TCF20: variants seen among roughly 807,000 people sequenced by gnomAD.
TCF20 encodes transcription factor 20.
TCF20 carries 3 observed loss-of-function variants against 148.6 expected under a neutral mutation model. The observed-to-expected ratio is 0.02, with a 90% CI of 0.01 to 0.05. The LOEUF is 0.05. Ranked by LOEUF, TCF20 falls within the 10% of genes least tolerant of loss-of-function variation. The pLI is 1.00. For missense variants in TCF20, 2,350 were observed against 2,429.3 expected, an observed-to-expected ratio of 0.97 and a Z score of 0.69; for synonymous variants, 1,049 against 909.5, an observed-to-expected ratio of 1.15 and a Z score of -2.76.
Position 42,202,633 on chromosome 22 carries a change from G to A in TCF20, c.5655+7018C>T, listed in dbSNP as rs1225961790. ...CATACGTTTTTCCAATAAATTGGAC[G>A]AATCTGATCTGCAGTAGCAAGCCTT... is the stretch of plus-strand genomic sequence containing the variant. On this transcript the variant is annotated intron_variant, in intron 2 of 5. Transcript: ENST00000677622. Among the ~76,000 whole-genome samples the A allele has an allele frequency of 2.6e-5, 4 of 152,220 alleles. No individual in the cohort carries two copies. In the South Asian group the frequency reaches 6.2e-4, roughly 24 times the overall value.
Position 42,212,353 on chromosome 22 carries a change from G to A in TCF20, c.2953C>T (p.Pro985Ser). The A allele has an allele frequency of 6.2e-7, 1 of 1,614,220 alleles. No individual in the cohort carries two copies. Among genetic ancestry groups the A allele is most frequent in the Non-Finnish European group, 8.5e-7 (1 of 1,180,050 alleles). ...CCAGGGACCCGCCGCATTGGCGTGG[G>A]TCTGCTGTCTTGCGGGCCATAGTCT... ...LSDYGPQDSRPTPMRRVPGRV... is the reference protein window; with the variant it reads ...LSDYGPQDSRSTPMRRVPGRV... The change falls in exon 2 of 6, where the codon CCC becomes TCC. Residue 985 changes from proline (P) to serine (S), a missense_variant. Around this residue, in one of 7 missense-constraint regions of TCF20, gnomAD observed 1,641 missense variants for 1,662.6 expected, o/e 0.99. Transcript: ENST00000677622.
intron 2 of TCF20, among the ~76,000 whole-genome samples, chr22:42,199,253 C>T (rs1937814017): frequency 6.6e-6 from 1 of 152,148 alleles, no homozygotes; most frequent in Non-Finnish European, 1.5e-5. Context: ...ATGGTGCCAG[C>T]ACCTCATCTA....
rs75378958 is a variant in TCF20, at chr22:42,229,230, G to C, written c.-36-13889C>G. On this transcript the variant is annotated intron_variant, in intron 1 of 5. Transcript: ENST00000677622. ...AGAGTCATGCAGTATGATCACAGCA[G>C]AGATGTCCATAATTATGGAATGGCA... is the stretch of plus-strand genomic sequence containing the variant. 5.2e-3 allele frequency among the ~76,000 whole-genome samples: 797 copies of C among 152,302 alleles called. 4 individuals are homozygous for C. Among genetic ancestry groups the C allele is most frequent in the African/African-American group, 0.018 (764 of 41,564 alleles).
intron 1 of TCF20, among the ~76,000 whole-genome samples, chr22:42,313,550 T>C (rs1382740791): frequency 1.3e-5 from 2 of 151,850 alleles, no homozygotes; most frequent in African/African-American, 4.8e-5. Flanking sequence ...GGACCCTGGA[T>C]GTCCCCAAGA....
intron 5 of TCF20, among the ~76,000 whole-genome samples, chr22:42,166,200 C>T (rs1340507977): frequency 6.6e-6 from 1 of 151,744 alleles, no homozygotes; most frequent in Non-Finnish European, 1.5e-5. Context: ...CCATCCTCTC[C>T]CTCCAAGAGC....
At chr22:42,215,751 A>G (rs573478205) in intron 1 of TCF20, among the ~76,000 whole-genome samples, 1 of 152,262 alleles carries the variant, frequency 6.6e-6, no homozygotes, top group South Asian at 2.1e-4. Context: ...AATTACAGGC[A>G]TGAGCCACCA....
chr22:42,196,262 A>G (rs1393455835), intron 2 of TCF20, among the ~76,000 whole-genome samples: 1 of 152,226 alleles, frequency 6.6e-6, no homozygotes, highest in Non-Finnish European at 1.5e-5. Context: ...GCTGGGCAGC[A>G]CTTGCTGCCT....
chr22:42,222,950 C>T (rs933396634), intron 1 of TCF20, among the ~76,000 whole-genome samples: 1 of 152,118 alleles, frequency 6.6e-6, no homozygotes, highest in Admixed American at 6.5e-5. Context: ...CTCAGGAGAC[C>T]AGCATGGGCA....
Position 42,212,463 on chromosome 22 carries a change from C to T in TCF20, c.2843G>A (p.Gly948Glu). 5.0e-6 allele frequency: 8 copies of T among 1,614,158 alleles called. No homozygotes were observed. The highest frequency in any genetic ancestry group is 6.8e-6 in the Non-Finnish European group (8 of 1,180,032). Residue 948 changes from glycine (G) to glutamate (E), a missense_variant, in exon 2 of 6, where the codon GGA becomes GAA. Transcript: ENST00000677622. ...SQASFNNKKS[G>E]DHCHPPSIKH... ...GATGCTAGGAGGATGGCAGTGGTCT[C>T]CAGATTTCTTGTTGTTGAAACTAGC...
At chr22:42,173,309 T>G (rs1318844192) in intron 3 of TCF20, among the ~76,000 whole-genome samples, 3 of 150,378 alleles carry the variant, frequency 2.0e-5, no homozygotes, top group Admixed American at 6.6e-5. Flanking sequence ...AGCCAAATCC[T>G]GTGCCTATGA....
chr22:42,208,320 GTAAA>G (rs1433905677), intron 2 of TCF20, among the ~76,000 whole-genome samples: 1 of 152,074 alleles, frequency 6.6e-6, no homozygotes, highest in Non-Finnish European at 1.5e-5. Context: ...AAAAAAATAA[GTAAA>G]TAAAAGGCTA....
At chr22:42,199,766 C>T (rs1324162125) in intron 2 of TCF20, among the ~76,000 whole-genome samples, 1 of 141,968 alleles carries the variant, frequency 7.0e-6, no homozygotes, top group Non-Finnish European at 1.5e-5. Flanking sequence ...AGGAGAATCG[C>T]TTGAACCTGG....
chr22:42,177,184 G>A (rs532208481), intron 3 of TCF20, among the ~76,000 whole-genome samples: 2 of 152,286 alleles, frequency 1.3e-5, no homozygotes, highest in South Asian at 4.1e-4. Flanking sequence ...GGAGGCTGAG[G>A]TGGGTGGATC....
intron 3 of TCF20, among the ~76,000 whole-genome samples, chr22:42,176,300 C>T (rs1482531236): frequency 6.6e-6 from 1 of 151,992 alleles, no homozygotes; most frequent in Non-Finnish European, 1.5e-5. Context: ...GAGGTAAGGG[C>T]AAGAAGGATG....
Position 42,191,046 on chromosome 22 carries a change from T to C in TCF20, c.5656-11344A>G, listed in dbSNP as rs569207696. Among the ~76,000 whole-genome samples, 3 of 152,284 alleles carry C rather than the reference T, an allele frequency of 2.0e-5. No individual in the cohort carries two copies. In the South Asian group the frequency reaches 6.2e-4, roughly 32 times the overall value. On this transcript the variant is annotated intron_variant, in intron 2 of 5. Transcript: ENST00000677622. ...AAAACAAAGGAGGAACAAAAAACAA[T>C]TTCCCAAATAAAATACATCCATTTG... is the stretch of plus-strand genomic sequence containing the variant.
chr22:42,167,831 TC>T (rs751291824), intron 5 of TCF20, among the ~76,000 whole-genome samples: 9 of 151,424 alleles, frequency 5.9e-5, no homozygotes, highest in Non-Finnish European at 1.0e-4. Context: ...CAAGTGATCC[TC>T]CCAGCTCAGC....
chr22:42,310,979 T>C (rs1927524880), intron 1 of TCF20, among the ~76,000 whole-genome samples: 1 of 152,212 alleles, frequency 6.6e-6, no homozygotes, highest in South Asian at 2.1e-4. Flanking sequence ...CACTGGCTCA[T>C]CAATACCCAA....
chr22:42,312,277 G>A (rs1025049178), intron 1 of TCF20, among the ~76,000 whole-genome samples: 1 of 152,174 alleles, frequency 6.6e-6, no homozygotes, highest in African/African-American at 2.4e-5. Context: ...GTAGTCAGCG[G>A]GCCACCTGCC....
intron 1 of TCF20, among the ~76,000 whole-genome samples, chr22:42,247,924 C>A (rs1385400430): frequency 2.0e-5 from 3 of 152,214 alleles, no homozygotes; most frequent in Non-Finnish European, 2.9e-5. Flanking sequence ...ATAGTCTGTT[C>A]TACAGAAGTG....
Sources: gnomAD v4.1 joint callset for allele counts (sites outside exome capture counted in the v4.1 genomes callset) on GRCh38, gnomAD v4.1.1 for gene constraint, gnomAD v4.1.1 regional missense constraint, MANE v1.5 for transcripts, NCBI Gene and HGNC (gene_info 2026-07-23, HGNC 2026-07-21) for gene names.